CLOCK: variants seen among roughly 807,000 people sequenced by gnomAD.
CLOCK encodes the protein clock circadian regulator.
CLOCK carries 43 observed loss-of-function variants against 118.4 expected under a neutral mutation model. That is an observed-to-expected ratio of 0.36 (90% confidence interval 0.28 to 0.47). CLOCK has a LOEUF of 0.47. CLOCK is among the 20% of genes least tolerant of loss of function. CLOCK has a pLI of 1.00. For missense variants in CLOCK, 846 were observed against 999.9 expected, an observed-to-expected ratio of 0.85 and a Z score of 2.08; for synonymous variants, 326 against 339.2, an observed-to-expected ratio of 0.96 and a Z score of 0.43.
intron 21 of CLOCK, among the ~76,000 whole-genome samples, chr4:55,439,167 A>G (rs886657092): frequency 6.6e-6 from 1 of 152,180 alleles, no homozygotes; most frequent in African/African-American, 2.4e-5. Context: ...CAACTCAACA[A>G]CAATCAACCC....
At chr4:55,496,103 C>T (rs1199475575) in intron 2 of CLOCK, among the ~76,000 whole-genome samples, 2 of 151,872 alleles carry the variant, frequency 1.3e-5, no homozygotes, top group Non-Finnish European at 2.9e-5. Context: ...GCAGGAGAAT[C>T]GCTTGAACCC....
intron 13 of CLOCK, 69 bp from the exon 14 acceptor site, chr4:55,453,893 G>C (rs1248668107): frequency 1.7e-6 from 2 of 1,198,306 alleles, no homozygotes; most frequent in Non-Finnish European, 2.4e-6. Flanking sequence ...TTAACCAAAA[G>C]CTATCATTTA....
Position 55,536,169 on chromosome 4 carries a change from T to C in CLOCK, c.-290+10613A>G, listed in dbSNP as rs150598184. Among the ~76,000 whole-genome samples the C allele has an allele frequency of 6.7e-3, 1,015 of 152,240 alleles. 17 individuals carry two copies. Among genetic ancestry groups the C allele is most frequent in the African/African-American group, 0.022 (928 of 41,528 alleles). On this transcript the variant is annotated intron_variant, in intron 1 of 22. Transcript: ENST00000513440. The stretch of plus-strand genomic sequence containing the variant: ...AAAACTTTGAAAAGCAAAGTGAAAT[T>C]TCCTACCTTTGGCATTGCTAAAGGG...
At chr4:55,450,028 T>A (rs1351447969) in intron 16 of CLOCK, 63 bp downstream of exon 16, 3 of 1,560,398 alleles carry the variant, frequency 1.9e-6, no homozygotes, top group South Asian at 2.2e-5. Context: ...AATGCTGATA[T>A]AAGTAACTAA....
chr4:55,454,343 G>A (rs1560426778), intron 13 of CLOCK, among the ~76,000 whole-genome samples: 1 of 152,058 alleles, frequency 6.6e-6, no homozygotes, highest in Non-Finnish European at 1.5e-5. Context: ...GGCCAGGTGT[G>A]GTGGCTCACG....
intron 1 of CLOCK, among the ~76,000 whole-genome samples, chr4:55,544,802 CTCT>C (rs1731499754): frequency 6.6e-6 from 1 of 152,158 alleles, no homozygotes; most frequent in Admixed American, 6.5e-5. Context: ...TCTCCCTCTC[CTCT>C]ATTGTTAGTT....
chr4:55,480,931 G>A (rs963739450), intron 4 of CLOCK, among the ~76,000 whole-genome samples: 6 of 151,816 alleles, frequency 4.0e-5, no homozygotes, highest in East Asian at 1.9e-4. Context: ...TTTTAAAGGG[G>A]TGATGTTTTA....
At chr4:55,516,860 T>C (rs557914162) in intron 1 of CLOCK, among the ~76,000 whole-genome samples, 1 of 152,314 alleles carries the variant, frequency 6.6e-6, no homozygotes, top group East Asian at 1.9e-4. Flanking sequence ...TTTACTTTTT[T>C]TAGTAGTTGC....
At chr4:55,491,688 C>G (rs562925237) in intron 2 of CLOCK, among the ~76,000 whole-genome samples, 1 of 152,012 alleles carries the variant, frequency 6.6e-6, no homozygotes, top group East Asian at 1.9e-4. Flanking sequence ...AAACTATAAA[C>G]AATCCAGATG....
chr4:55,496,332 A>T (rs539286648), intron 2 of CLOCK, among the ~76,000 whole-genome samples: 9 of 152,286 alleles, frequency 5.9e-5, no homozygotes, highest in African/African-American at 2.2e-4. Flanking sequence ...TTCCTAGTAA[A>T]GGCACAAGGG....
chr4:55,427,919 A>C lies in CLOCK; in HGVS notation c.*7496T>G, dbSNP rs1049686435. 6.6e-6 allele frequency: 1 copy of C among 152,230 alleles called. No individual in the cohort carries two copies. Among genetic ancestry groups the C allele is most frequent in the African/African-American group, 2.4e-5 (1 of 41,446 alleles). 9.4% of individuals were successfully genotyped at this position (152,230 alleles called of 1,614,324 possible). On this transcript the variant is annotated 3_prime_UTR_variant, in exon 23 of 23. Transcript: ENST00000513440. ...GAAATGTCATTGATAGTGATCTTAA[A>C]ATATTTAATAGTCTTTCTTTAAAAT... is the stretch of plus-strand genomic sequence containing the variant.
intron 7 of CLOCK, among the ~76,000 whole-genome samples, chr4:55,471,770 G>C (rs878856378): frequency 1.3e-5 from 2 of 152,122 alleles, no homozygotes; most frequent in Admixed American, 1.3e-4. Context: ...AGAGAAAAAG[G>C]CCAGAGAAAA....
intron 3 of CLOCK, among the ~76,000 whole-genome samples, chr4:55,488,393 C>T (rs77495156): frequency 0.027 from 4,114 of 152,244 alleles, 192 homozygotes; most frequent in African/African-American, 0.094. Context: ...TATCCAACTG[C>T]TTTTTAGACA....
chr4:55,524,058 T>G (rs924372136), intron 1 of CLOCK, among the ~76,000 whole-genome samples: 1 of 152,162 alleles, frequency 6.6e-6, no homozygotes, highest in Non-Finnish European at 1.5e-5. Context: ...GAACACATCA[T>G]TTTAGCAAAA....
At chr4:55,459,362 C>T (rs1318250664) in intron 9 of CLOCK, 101 bp from the exon 10 acceptor site, 4 of 763,586 alleles carry the variant, frequency 5.2e-6, no homozygotes, top group South Asian at 1.5e-5. Flanking sequence ...AGTTTACAAC[C>T]ATTATTTTCC....
chr4:55,498,843 A>C (rs974962133), intron 2 of CLOCK, among the ~76,000 whole-genome samples: 1 of 152,154 alleles, frequency 6.6e-6, no homozygotes, highest in Non-Finnish European at 1.5e-5. Context: ...GTTTCACAGA[A>C]TCCAACATGG....
chr4:55,531,703 CAAAAAAAAAAAAAAAAA>C (rs373796432), intron 1 of CLOCK, among the ~76,000 whole-genome samples: 12 of 41,280 alleles, frequency 2.9e-4, no homozygotes, highest in Admixed American at 1.3e-3. Context: ...GACTTCGTCT[CAAAAAAAAAAAAAAAAA>C]AAAAAAAAAA....
At chr4:55,529,028 C>G (rs940443673) in intron 1 of CLOCK, among the ~76,000 whole-genome samples, 1 of 152,152 alleles carries the variant, frequency 6.6e-6, no homozygotes. Context: ...TGACTACAAT[C>G]CAGGAAACCA....
intron 1 of CLOCK, among the ~76,000 whole-genome samples, chr4:55,517,710 C>T (rs551611640): frequency 2.8e-4 from 43 of 152,086 alleles, no homozygotes; most frequent in Non-Finnish European, 5.7e-4. Context: ...TTAGACTCTG[C>T]AGTGAAACCA....
Sources: allele counts gnomAD v4.1 joint callset (sites outside exome capture counted in the v4.1 genomes callset), GRCh38; gene constraint gnomAD v4.1.1; transcripts MANE v1.5; gene names NCBI Gene and HGNC (gene_info 2026-07-23, HGNC 2026-07-21).